MGAT5: variants seen among roughly 807,000 people sequenced by gnomAD.
MGAT5 encodes alpha-1,6-mannosylglycoprotein 6-beta-N-acetylglucosaminyltransferase.
Under a neutral mutation model 94.3 loss-of-function variants are expected in MGAT5, and 30 were observed. That is an observed-to-expected ratio of 0.32 (90% CI 0.24 to 0.43). The LOEUF is 0.43. Among genes scored for constraint, MGAT5 ranks in the 20% least tolerant of loss-of-function variants. The probability of loss-of-function intolerance (pLI) is 1.00; values close to 1 mark genes in which losing one functional copy is unlikely to be tolerated. For synonymous variants in MGAT5, 310 were observed against 322.9 expected (o/e 0.96, Z 0.43); for missense variants, 691 against 905.5 (o/e 0.76, Z 3.04).
intron 9 of MGAT5, among the ~76,000 whole-genome samples, chr2:134,360,471 A>T (rs924036811): frequency 6.6e-6 from 1 of 152,188 alleles, no homozygotes; most frequent in African/African-American, 2.4e-5. Flanking sequence ...CTACCTAGGG[A>T]CTAAATAACT....
chr2:134,120,913 G>A (rs1041573617), intron 1 of MGAT5, among the ~76,000 whole-genome samples: 1 of 152,042 alleles, frequency 6.6e-6, no homozygotes, highest in African/African-American at 2.4e-5. Flanking sequence ...CGGCCCGCGG[G>A]TCCGTGATCC....
At chr2:134,165,186 T>C (rs1158634984) in intron 1 of MGAT5, among the ~76,000 whole-genome samples, 4 of 152,192 alleles carry the variant, frequency 2.6e-5, no homozygotes, top group African/African-American at 9.7e-5. Context: ...TAACCACACG[T>C]CATAAGTGGC....
intron 1 of MGAT5, among the ~76,000 whole-genome samples, chr2:134,256,833 G>A (rs368576163): frequency 6.6e-6 from 1 of 152,308 alleles, no homozygotes; most frequent in African/African-American, 2.4e-5. Context: ...AACTCTAACT[G>A]ACACTGCTAG....
In MGAT5 at chr2:134,449,713, C is replaced by A. The variant is rs902931657; in HGVS notation, c.*866C>A. On this transcript the variant is annotated 3_prime_UTR_variant, in exon 16 of 16. Transcript: ENST00000281923. The stretch of plus-strand genomic sequence containing the variant: ...GGAGTTTCTGGTAAACTCACCCTCC[C>A]TCCAGCCCCGCTATGAGGAGGAAAG... The A allele has an allele frequency of 6.6e-6, 1 of 152,216 alleles. No individual in the cohort carries two copies. Among genetic ancestry groups the A allele is most frequent in the Non-Finnish European group, 1.5e-5 (1 of 68,042 alleles). The allele number at this position is 152,216 out of a possible 1,614,324, so 9.4% of individuals were successfully genotyped here.
chr2:134,431,718 C>A (rs973656959), intron 14 of MGAT5, among the ~76,000 whole-genome samples: 1 of 152,190 alleles, frequency 6.6e-6, no homozygotes, highest in Non-Finnish European at 1.5e-5. Flanking sequence ...GCAAGGAGAA[C>A]ACAGAAGCTT....
At chr2:134,193,675 TTGTGTGTG>T (rs58044792) in intron 1 of MGAT5, among the ~76,000 whole-genome samples, 4,514 of 130,850 alleles carry the variant, frequency 0.034, 89 homozygotes, top group African/African-American at 0.065. Flanking sequence ...CCCCAAATCT[TTGTGTGTG>T]TGTGTGTGTG....
At chr2:134,228,767 C>T (rs983293040) in intron 1 of MGAT5, among the ~76,000 whole-genome samples, 4 of 152,108 alleles carry the variant, frequency 2.6e-5, no homozygotes, top group South Asian at 2.1e-4. Flanking sequence ...TGTCTTGTAG[C>T]GGAGTGTTGC....
intron 4 of MGAT5, among the ~76,000 whole-genome samples, chr2:134,334,547 G>A (rs899495822): frequency 7.1e-6 from 1 of 140,284 alleles, no homozygotes; most frequent in Non-Finnish European, 1.5e-5. Context: ...ATGGGGTGAG[G>A]TTAAAGATCT....
chr2:134,202,174 T>C (rs1489742348), intron 1 of MGAT5, among the ~76,000 whole-genome samples: 1 of 152,210 alleles, frequency 6.6e-6, no homozygotes, highest in African/African-American at 2.4e-5. Flanking sequence ...TCAGCTTCTC[T>C]GTCTTTTGCC....
intron 1 of MGAT5, among the ~76,000 whole-genome samples, chr2:134,127,735 G>A (rs563441154): frequency 8.5e-5 from 13 of 152,146 alleles, no homozygotes; most frequent in Admixed American, 2.6e-4. Flanking sequence ...TGTGGTTAGT[G>A]ATTCTGATTT....
chr2:134,371,253 G>A (rs1007461215), intron 10 of MGAT5, among the ~76,000 whole-genome samples: 1 of 152,120 alleles, frequency 6.6e-6, no homozygotes, highest in Non-Finnish European at 1.5e-5. Flanking sequence ...TTATCTGGCA[G>A]CCCTCCCAGC....
At chr2:134,365,350 C>T (rs1233627530) in intron 10 of MGAT5, among the ~76,000 whole-genome samples, 1 of 152,178 alleles carries the variant, frequency 6.6e-6, no homozygotes, top group Non-Finnish European at 1.5e-5. Flanking sequence ...TGTCCTCTGA[C>T]CCAGTGCAGT....
chr2:134,422,047 G>A (rs918468469), intron 12 of MGAT5, among the ~76,000 whole-genome samples: 11 of 152,092 alleles, frequency 7.2e-5, no homozygotes, highest in African/African-American at 2.4e-4. Context: ...GGCATGATGT[G>A]CACATCTGTA....
At chr2:134,247,884 T>C (rs1428857340) in intron 1 of MGAT5, among the ~76,000 whole-genome samples, 1 of 152,198 alleles carries the variant, frequency 6.6e-6, no homozygotes, top group African/African-American at 2.4e-5. Context: ...CAGGTCTTAT[T>C]TTCTGTGATC....
intron 12 of MGAT5, among the ~76,000 whole-genome samples, chr2:134,415,506 T>G (rs535340315): frequency 6.6e-6 from 1 of 152,348 alleles, no homozygotes; most frequent in East Asian, 1.9e-4. Context: ...GTTCCTTATA[T>G]ACTTTGGGAA....
rs529837367 is a variant in MGAT5 at position 134,238,858 on chromosome 2, G to T, written c.-142-15404G>T. ...CTGGGGAGGCTGAGGTGGGAGAATCGCTGGAACCCAGGAGGTGGAGGTTGC... is the reference window on the plus strand; with the variant it reads ...CTGGGGAGGCTGAGGTGGGAGAATCTCTGGAACCCAGGAGGTGGAGGTTGC... On this transcript the variant is annotated intron_variant, in intron 1 of 16. Coordinates refer to the MGAT5 transcript ENST00000409645. 7.4e-4 allele frequency among the ~76,000 whole-genome samples: 112 copies of T among 152,144 alleles called. 2 individuals carry two copies. The highest frequency in any genetic ancestry group is 2.2e-4 in the Non-Finnish European group (15 of 68,014).
intron 10 of MGAT5, 27 bp from the exon 11 acceptor site, chr2:134,402,961 A>G (rs373773936): frequency 7.0e-6 from 11 of 1,563,414 alleles, no homozygotes; most frequent in South Asian, 2.4e-5. Flanking sequence ...AAAAAGAGAA[A>G]TGTCTTGTGC....
At chr2:134,437,740 A>G (rs35152902) in intron 14 of MGAT5, among the ~76,000 whole-genome samples, 48,898 of 152,080 alleles carry the variant, frequency 0.32, 9,553 homozygotes, top group African/African-American at 0.54. Flanking sequence ...GAGCGGGCTG[A>G]CATGGTGGCT....
intron 1 of MGAT5, among the ~76,000 whole-genome samples, chr2:134,130,271 C>T (rs1261447081): frequency 6.6e-6 from 1 of 151,462 alleles, no homozygotes; most frequent in Non-Finnish European, 1.5e-5. Context: ...CACACCGCCC[C>T]ACACCCTGGC....
Sources: allele counts gnomAD v4.1 joint callset (sites outside exome capture counted in the v4.1 genomes callset), GRCh38; gene constraint gnomAD v4.1.1; transcripts MANE v1.5; gene names NCBI Gene and HGNC (gene_info 2026-07-23, HGNC 2026-07-21).